Variants in SLC11A2 observed in about 807,000 individuals in gnomAD.
SLC11A2 encodes natural resistance-associated macrophage protein 2.
A neutral mutation model predicts 68.0 loss-of-function variants in SLC11A2; 38 were observed. That is an observed-to-expected ratio of 0.56 (90% confidence interval 0.43 to 0.73). The LOEUF is 0.73. Among genes scored for constraint, SLC11A2 ranks in the 30% least tolerant of loss-of-function variants. SLC11A2 has a pLI of 0.00. For missense variants in SLC11A2, 517 were observed against 690.5 expected, an observed-to-expected ratio of 0.75 and a Z score of 2.82; for synonymous variants, 242 against 250.6, an observed-to-expected ratio of 0.97 and a Z score of 0.32.
At chr12:50,994,474 CA>C in intron 11 of SLC11A2, 69 bp downstream of exon 11, 2 of 1,008,766 alleles carry the variant, frequency 2.0e-6, no homozygotes, top group African/African-American at 1.6e-5. Context: ...AGTGAAGTCA[CA>C]AAAAAGACCA....
At chr12:50,991,074 A>C (rs1026219897) in intron 14 of SLC11A2, 126 bp from the exon 15 acceptor site, 5 of 886,718 alleles carry the variant, frequency 5.6e-6, no homozygotes, top group Non-Finnish European at 7.4e-6. Flanking sequence ...TTTGAAAAAA[A>C]ATGATTCTTC....
chr12:51,020,830 G>A (rs927782166), intron 1 of SLC11A2, among the ~76,000 whole-genome samples: 4 of 152,170 alleles, frequency 2.6e-5, no homozygotes. Flanking sequence ...TAGACCCAGT[G>A]CAGTTGCTCA....
chr12:51,020,441 G>GT (rs768299961), intron 1 of SLC11A2, among the ~76,000 whole-genome samples: 1 of 152,178 alleles, frequency 6.6e-6, no homozygotes, highest in African/African-American at 2.4e-5. Flanking sequence ...AGCCCCTGTG[G>GT]TAAGTATTCA....
upstream of SLC11A2, chr12:51,026,542 G>A: frequency 5.5e-6 from 2 of 360,490 alleles, no homozygotes; most frequent in Admixed American, 4.3e-5. Context: ...TGGGGCACGC[G>A]GCGGCCCCTG....
Position 51,003,320 on chromosome 12 carries a change from C to G in SLC11A2, c.429+1468G>C, listed in dbSNP as rs12300243. On this transcript the variant is annotated intron_variant, in intron 5 of 15. Transcript: ENST00000262052. ...TGGGAGGCGAAGGCTGGCAGATCACCTAAGGCCAGGAGTTCAAGACCAGCC... is the reference window on the plus strand; with the variant it reads ...TGGGAGGCGAAGGCTGGCAGATCACGTAAGGCCAGGAGTTCAAGACCAGCC... Among the ~76,000 whole-genome samples the G allele has an allele frequency of 3.7e-3, 555 of 149,698 alleles. 6 individuals are homozygous for G. Among genetic ancestry groups the G allele is most frequent in the African/African-American group, 0.013 (528 of 40,630 alleles).
the SLC11A2 span, among the ~76,000 whole-genome samples, chr12:50,953,401 C>G: frequency 6.6e-6 from 1 of 152,220 alleles, no homozygotes; most frequent in Non-Finnish European, 1.5e-5. Context: ...ATTATAGTTG[C>G]TTTTGCAAGT....
intron 1 of SLC11A2, among the ~76,000 whole-genome samples, chr12:51,013,202 A>C (rs561852571): frequency 3.9e-5 from 6 of 152,268 alleles, no homozygotes; most frequent in African/African-American, 1.4e-4. Context: ...CTTATGCGTC[A>C]ATCAGTTCTG....
At chr12:51,015,162 T>TA (rs35686853) in intron 1 of SLC11A2, among the ~76,000 whole-genome samples, 48 of 135,008 alleles carry the variant, frequency 3.6e-4, no homozygotes, top group African/African-American at 1.2e-3. Flanking sequence ...TCCGTCTCAT[T>TA]AAAAAAAAAA....
In SLC11A2 at chr12:50,990,790, C is replaced by T. The variant is rs766684149; in HGVS notation, c.1575+5G>A. ...TATGCCCCTGCTCTTCCAGGCTAGA[C>T]TTACCAAGTAGAACACAAAGCCCAG... On this transcript the variant is annotated splice_donor_5th_base_variant and intron_variant, in intron 15 of 15. Coordinates refer to ENST00000262052, the MANE Select transcript of SLC11A2 (RefSeq NM_000617.3). 2 of 1,614,002 alleles carry T rather than the reference C, an allele frequency of 1.2e-6. No homozygotes were observed. Among genetic ancestry groups the T allele is most frequent in the Non-Finnish European group, 1.7e-6 (2 of 1,179,952 alleles).
the SLC11A2 span, among the ~76,000 whole-genome samples, chr12:50,966,274 A>T: frequency 6.6e-6 from 1 of 152,196 alleles, no homozygotes; most frequent in African/African-American, 2.4e-5. Context: ...GGCTACCCTG[A>T]CAAATGTCTT....
chr12:51,028,249 C>G (rs1944465698), upstream of SLC11A2: 1 of 1,529,514 alleles, frequency 6.5e-7, no homozygotes, highest in African/African-American at 1.4e-5. Context: ...TTTGACTTTC[C>G]CAATGCCAGC....
At chr12:50,972,633 A>AGACAGTGGGTGCAG in the SLC11A2 span, among the ~76,000 whole-genome samples, 3 of 152,196 alleles carry the variant, frequency 2.0e-5, no homozygotes, top group Non-Finnish European at 2.9e-5. Context: ...GGGGATTGTC[A>AGACAGTGGGTGCAG]GACAGTGGGT....
downstream of SLC11A2, chr12:50,981,348 A>T (rs574684119): frequency 1.1e-3 from 165 of 149,718 alleles, 1 homozygote; most frequent in Admixed American, 2.7e-3. Flanking sequence ...AACAATATTT[A>T]AAAAAAAAAT....
downstream of SLC11A2, chr12:50,980,700 T>C (rs1939975139): frequency 6.6e-6 from 1 of 152,242 alleles, no homozygotes; most frequent in South Asian, 2.1e-4. Flanking sequence ...TAGCATTCCC[T>C]AGGAGATTCA....
chr12:50,987,768 G>T lies in SLC11A2; in HGVS notation c.*557C>A. On this transcript the variant is annotated 3_prime_UTR_variant, in exon 16 of 16. Coordinates refer to ENST00000262052, the MANE Select transcript of SLC11A2 (RefSeq NM_000617.3). ...AAATTAAAGTGGAAATAAGTTCAAAGAATCCTAAGCCTGATAGAGCTAGGT... is the reference window on the plus strand; with the variant it reads ...AAATTAAAGTGGAAATAAGTTCAAATAATCCTAAGCCTGATAGAGCTAGGT... 3.9e-6 allele frequency: 5 copies of T among 1,286,858 alleles called. No individual in the cohort carries two copies. The highest frequency in any genetic ancestry group is 5.1e-6 in the Non-Finnish European group (5 of 988,572). The allele number at this position is 1,286,858 out of a possible 1,614,324, so 79.7% of individuals were successfully genotyped here. A position where few individuals can be genotyped will look rare whatever the true frequency, so the allele number is the denominator to read the frequency against.
Position 51,005,470 on chromosome 12 carries a change from A to C in SLC11A2, c.184-34T>G, listed in dbSNP as rs769738763. On this transcript the variant is annotated intron_variant, in intron 3 of 15. Transcript: ENST00000262052. ...GAGAGGAAAAGAGATTAAACTGAAC[A>C]TCACCATTGAACTACTGATATAATT... 4 of 1,611,628 alleles carry C rather than the reference A, an allele frequency of 2.5e-6. No individual in the cohort carries two copies. The East Asian group carries it at 6.7e-5, about 27-fold the overall frequency.
Position 50,988,273 on chromosome 12 carries a change from T to C in SLC11A2, c.*52A>G, listed in dbSNP as rs545806943. 29 of 1,612,858 alleles carry C rather than the reference T, an allele frequency of 1.8e-5. No individual in the cohort carries two copies. In the Admixed American group the frequency reaches 2.3e-4, roughly 13 times the overall value. Reference sequence around the variant, plus strand: ...TTGGCTATGTTCACACAGTAAACCATAGAAACACACTGGCTCTGATGGCTA... The same window carrying C: ...TTGGCTATGTTCACACAGTAAACCACAGAAACACACTGGCTCTGATGGCTA... On this transcript the variant is annotated 3_prime_UTR_variant, in exon 16 of 16. Coordinates refer to ENST00000262052, the MANE Select transcript of SLC11A2 (RefSeq NM_000617.3).
downstream of SLC11A2, among the ~76,000 whole-genome samples, chr12:50,983,980 T>G (rs901596357): frequency 1.4e-5 from 2 of 143,666 alleles, no homozygotes; most frequent in African/African-American, 5.2e-5. Context: ...AAAAAAAAAA[T>G]TATCCAGGCA....
chr12:50,989,342 T>A (rs546804803), intron 15 of SLC11A2, among the ~76,000 whole-genome samples: 2 of 152,142 alleles, frequency 1.3e-5, no homozygotes, highest in East Asian at 3.9e-4. Context: ...ATACAAAAAT[T>A]AGCCAGGCAT....
Sources: allele counts gnomAD v4.1 joint callset (sites outside exome capture counted in the v4.1 genomes callset), GRCh38; gene constraint gnomAD v4.1.1; transcripts MANE v1.5; gene names NCBI Gene and HGNC (gene_info 2026-07-23, HGNC 2026-07-21).